ABR: variants seen among roughly 807,000 people sequenced by gnomAD.
ABR encodes the protein active breakpoint cluster region-related protein.
ABR carries 35 observed loss-of-function variants against 107.2 expected under a neutral mutation model. The ratio of observed to expected loss-of-function variants is 0.33; its 90% CI spans 0.25 to 0.43. The LOEUF (loss-of-function observed/expected upper bound fraction) is 0.43. ABR is among the 20% of genes least tolerant of loss of function. The pLI is 1.00. For synonymous variants in ABR, 498 were observed against 462.0 expected, an observed-to-expected ratio of 1.08 and a Z score of -1.00; for missense variants, 815 against 1,115.2, an observed-to-expected ratio of 0.73 and a Z score of 3.83.
intron 1 of ABR, among the ~76,000 whole-genome samples, chr17:1,202,454 C>T (rs993493177): frequency 3.3e-5 from 5 of 152,296 alleles, no homozygotes; most frequent in South Asian, 2.1e-4. Flanking sequence ...AAGGGGATCC[C>T]GGCTGTCTCT....
At chr17:1,008,672 C>A (rs1401443259) in intron 21 of ABR, among the ~76,000 whole-genome samples, 1 of 152,224 alleles carries the variant, frequency 6.6e-6, no homozygotes, top group Non-Finnish European at 1.5e-5. Flanking sequence ...ACTGGCTCTC[C>A]CGAGCCTGGC....
chr17:1,012,744 C>T lies in ABR; in HGVS notation c.1905G>A (p.Arg635=). 1 of 1,598,582 alleles carries T rather than the reference C, an allele frequency of 6.3e-7. No homozygotes were observed. The highest frequency in any genetic ancestry group is 8.5e-7 in the Non-Finnish European group (1 of 1,171,958). Residue 635 remains arginine (R), a synonymous_variant, in exon 18 of 23, where the codon AGG becomes AGA. Coordinates refer to ENST00000302538, the MANE Select transcript of ABR (RefSeq NM_021962.5). Reference sequence around the variant, plus strand: ...CGCCGGTCTGCTTTTTGGACGGGGTCCTCTTCAGGCTCATATCTCGGCTGG... The same window carrying T: ...CGCCGGTCTGCTTTTTGGACGGGGTTCTCTTCAGGCTCATATCTCGGCTGG... ...KFTSRDMSLK[R]TPSKKQTGVF... is the part of the protein sequence containing the mutation.
chr17:1,041,140 G>C (rs1170898525), intron 16 of ABR, among the ~76,000 whole-genome samples: 1 of 151,850 alleles, frequency 6.6e-6, no homozygotes, highest in Non-Finnish European at 1.5e-5. Context: ...GGCTGGTCTC[G>C]AACTCCTGAC....
chr17:1,144,913 G>A (rs1019218937), intron 1 of ABR, among the ~76,000 whole-genome samples: 6 of 152,130 alleles, frequency 3.9e-5, no homozygotes, highest in African/African-American at 1.4e-4. Context: ...CAGCTACTCG[G>A]GAGGCTGTGG....
In ABR at chr17:1,011,635, C is replaced by T; in HGVS notation, c.2101+211G>A. 2.0e-6 allele frequency: 1 copy of T among 492,316 alleles called. No individual in the cohort carries two copies. Among genetic ancestry groups the T allele is most frequent in the Non-Finnish European group, 3.3e-6 (1 of 302,624 alleles). The allele number at this position is 492,316 out of a possible 1,614,324, so 30.5% of individuals were successfully genotyped here. ...GGGTCATCCTGGGCAAGTGAGTCGG[C>T]CCTTGTGAGTTTCTGCAGTTGCTTA... On this transcript the variant is annotated intron_variant, in intron 19 of 22. Transcript: ENST00000302538. This position sits in a 1 kb window ranked among gnomAD's most constrained non-coding sequence, Gnocchi z 4.8.
intron 2 of ABR, among the ~76,000 whole-genome samples, chr17:1,124,173 C>T (rs1339234729): frequency 4.7e-5 from 7 of 148,474 alleles, no homozygotes; most frequent in Non-Finnish European, 7.5e-5. Context: ...GGAGGGTGGC[C>T]GGGGGGGCTG....
At chr17:1,012,164 G>A (rs1180838643) in intron 18 of ABR, 179 bp from the exon 19 acceptor site, 14 of 999,176 alleles carry the variant, frequency 1.4e-5, no homozygotes, top group Admixed American at 6.0e-5. Context: ...CAGCCCACCC[G>A]AGGCCTGCCG....
intron 16 of ABR, among the ~76,000 whole-genome samples, chr17:1,024,890 C>T (rs558433062): frequency 4.6e-5 from 7 of 151,906 alleles, no homozygotes; most frequent in Admixed American, 2.0e-4. Flanking sequence ...GAAGCTGAGG[C>T]GGGTGGATCA....
intron 1 of ABR, among the ~76,000 whole-genome samples, chr17:1,215,769 A>C (rs187660576): frequency 6.6e-6 from 1 of 152,136 alleles, no homozygotes; most frequent in Admixed American, 6.5e-5. Context: ...GAGAAATCGG[A>C]TTGTTGCTGT....
At chr17:1,030,633 C>T (rs945238312) in intron 16 of ABR, among the ~76,000 whole-genome samples, 4 of 152,206 alleles carry the variant, frequency 2.6e-5, no homozygotes, top group Non-Finnish European at 2.9e-5. Flanking sequence ...TGAAACAAAA[C>T]GAGGGGCCAG....
At chr17:1,082,097 T>C (rs564022577) in intron 5 of ABR, among the ~76,000 whole-genome samples, 3 of 152,194 alleles carry the variant, frequency 2.0e-5, no homozygotes, top group African/African-American at 7.2e-5. Flanking sequence ...TCCCCAACTC[T>C]TCTAGCGTTA....
intron 1 of ABR, among the ~76,000 whole-genome samples, chr17:1,147,288 A>G (rs1264743728): frequency 1.3e-5 from 2 of 151,942 alleles, no homozygotes; most frequent in Non-Finnish European, 2.9e-5. Flanking sequence ...GTCTACCAGG[A>G]CCACTGTGAG....
chr17:1,015,842 G>C (rs2071113479), intron 16 of ABR, among the ~76,000 whole-genome samples: 1 of 152,132 alleles, frequency 6.6e-6, no homozygotes, highest in South Asian at 2.1e-4. Context: ...AACATTTTTT[G>C]CTTTAGTTCG....
intron 1 of ABR, among the ~76,000 whole-genome samples, chr17:1,195,470 C>T (rs1243407736): frequency 6.6e-6 from 1 of 151,870 alleles, no homozygotes; most frequent in East Asian, 2.0e-4. Context: ...AGCCCCCAGC[C>T]CTGCCTGACC....
At chr17:1,161,802 G>A (rs989074256) in intron 1 of ABR, among the ~76,000 whole-genome samples, 6 of 151,436 alleles carry the variant, frequency 4.0e-5, no homozygotes, top group African/African-American at 9.7e-5. Flanking sequence ...TGATCCACCC[G>A]CCTCGACCTC....
intron 1 of ABR, among the ~76,000 whole-genome samples, chr17:1,167,885 G>T (rs1183931113): frequency 6.6e-6 from 1 of 152,196 alleles, no homozygotes; most frequent in African/African-American, 2.4e-5. Context: ...CGGGCGGGTC[G>T]CTCACGCCTG....
chr17:1,226,505 AT>A (rs2043218416), intron 1 of ABR, among the ~76,000 whole-genome samples: 1 of 104,882 alleles, frequency 9.5e-6, no homozygotes. Flanking sequence ...GTAGGTGTGC[AT>A]GTGTGTGCAT....
chr17:1,214,261 T>G (rs964462958), intron 1 of ABR, among the ~76,000 whole-genome samples: 10 of 151,934 alleles, frequency 6.6e-5, no homozygotes, highest in African/African-American at 2.2e-4. Flanking sequence ...TAAGCTAACT[T>G]CAGGTCCCTT....
At chr17:1,123,592 G>A (rs999108409) in intron 2 of ABR, among the ~76,000 whole-genome samples, 4 of 152,210 alleles carry the variant, frequency 2.6e-5, no homozygotes, top group African/African-American at 9.6e-5. Context: ...CAAAGAGGGA[G>A]GTGGCGCGGG....
Sources: allele counts gnomAD v4.1 joint callset (sites outside exome capture counted in the v4.1 genomes callset), GRCh38; gene constraint gnomAD v4.1.1; non-coding constraint Gnocchi (gnomAD v3.1); transcripts MANE v1.5; gene names NCBI Gene and HGNC (gene_info 2026-07-23, HGNC 2026-07-21).